Variants in SRGAP2 observed in about 807,000 individuals in gnomAD.
SRGAP2 encodes SLIT-ROBO Rho GTPase-activating protein 2.
A neutral mutation model predicts 57.2 loss-of-function variants in SRGAP2; 15 were observed. The observed-to-expected ratio is 0.26, with a 90% CI of 0.18 to 0.40. The LOEUF (loss-of-function observed/expected upper bound fraction) is 0.40. Among genes scored for constraint, SRGAP2 ranks in the 10% least tolerant of loss-of-function variants. The pLI, the probability that SRGAP2 is intolerant of heterozygous loss-of-function variation, is 1.00. For synonymous variants in SRGAP2, 249 were observed against 248.0 expected (o/e 1.00, Z -0.04); for missense variants, 520 against 669.6 (o/e 0.78, Z 2.47).
chr1:206,207,515 A>G (rs1167478221), intron 2 of SRGAP2: 1 of 151,622 alleles, frequency 6.6e-6, no homozygotes, highest in Non-Finnish European at 1.5e-5. Context: ...GTCACTGTTC[A>G]TAATCCAGGC....
rs797024612 is a variant in SRGAP2 at position 206,210,314 on chromosome 1, C to G, written c.67+4277C>G. 2.6e-4 allele frequency among the ~76,000 whole-genome samples: 36 copies of G among 137,442 alleles called. No individual in the cohort carries two copies. The East Asian group carries it at 6.4e-3, about 24-fold the overall frequency. 90.2% of individuals were successfully genotyped at this position (137,442 alleles called of 152,430 possible). ...GAAAGCTTGAGATTGACAGTTCATGCAAATATTCCAGAAGAAATAGTCTGA... is the reference window on the plus strand; with the variant it reads ...GAAAGCTTGAGATTGACAGTTCATGGAAATATTCCAGAAGAAATAGTCTGA... On this transcript the variant is annotated intron_variant, in intron 2 of 22. Transcript: ENST00000573034.
At chr1:206,415,205 T>C (rs756723521) in intron 10 of SRGAP2, among the ~76,000 whole-genome samples, 1 of 152,174 alleles carries the variant, frequency 6.6e-6, no homozygotes. Flanking sequence ...AGAACAAATC[T>C]GAAAGTGCAG....
chr1:206,383,216 G>T (rs1328121602), intron 4 of SRGAP2, among the ~76,000 whole-genome samples: 40 of 148,932 alleles, frequency 2.7e-4, no homozygotes, highest in Non-Finnish European at 1.3e-4. Flanking sequence ...GTAGAGATGG[G>T]GTTTCACTAT....
chr1:206,427,366 A>G (rs1660890040), intron 13 of SRGAP2, among the ~76,000 whole-genome samples: 1 of 152,150 alleles, frequency 6.6e-6, no homozygotes, highest in South Asian at 2.1e-4. Context: ...GATGCCGACA[A>G]GAGGACAGAC....
At chr1:206,436,162 T>C (rs1661728764) in intron 14 of SRGAP2, among the ~76,000 whole-genome samples, 1 of 152,076 alleles carries the variant, frequency 6.6e-6, no homozygotes. Context: ...TTTCTTCCAA[T>C]GTGGTCCAGG....
intron 3 of SRGAP2, among the ~76,000 whole-genome samples, chr1:206,333,076 T>G (rs1553332405): frequency 7.0e-6 from 1 of 143,544 alleles, no homozygotes; most frequent in Non-Finnish European, 1.5e-5. Context: ...CCGTGTGAGG[T>G]GTCAGTGTGC....
chr1:206,455,512 G>C (rs1335255407), intron 21 of SRGAP2: 1 of 175,988 alleles, frequency 5.7e-6, no homozygotes, highest in Non-Finnish European at 1.2e-5. Flanking sequence ...GGTTTATTGA[G>C]ATATCATGTG....
chr1:206,394,757 T>C (rs1657405584), intron 7 of SRGAP2, among the ~76,000 whole-genome samples: 1 of 151,982 alleles, frequency 6.6e-6, no homozygotes, highest in African/African-American at 2.4e-5. Context: ...GAGTTATTCT[T>C]GGCCTTGTTT....
At chr1:206,213,136 A>C (rs563204619) in intron 2 of SRGAP2, among the ~76,000 whole-genome samples, 17 of 152,154 alleles carry the variant, frequency 1.1e-4, no homozygotes, top group Non-Finnish European at 2.2e-4. Flanking sequence ...GGTTGCAATG[A>C]GCTGAGATCT....
intron 2 of SRGAP2, among the ~76,000 whole-genome samples, chr1:206,253,618 C>A (rs1414264978): frequency 6.9e-6 from 1 of 144,318 alleles, no homozygotes; most frequent in Non-Finnish European, 1.5e-5. Flanking sequence ...CTCCGTCCCC[C>A]AGGCTGGAGT....
Position 206,439,858 on chromosome 1 carries a change from T to C in SRGAP2, c.1769-118T>C, listed in dbSNP as rs1331063470. The C allele has an allele frequency of 6.0e-6, 4 of 665,462 alleles. No individual in the cohort carries two copies. In the African/African-American group the frequency reaches 7.1e-5, roughly 12 times the overall value. 41.2% of individuals were successfully genotyped at this position (665,462 alleles called of 1,614,324 possible). ...CACTCCTGTCACTGCACCAGTGCTG[T>C]GCGTGGGCTTGATCTGATGCTGTCC... On this transcript the variant is annotated intron_variant, in intron 16 of 22. Transcript: ENST00000573034.
chr1:206,364,362 C>T (rs1456865749), intron 4 of SRGAP2, among the ~76,000 whole-genome samples: 2 of 135,850 alleles, frequency 1.5e-5, no homozygotes, highest in African/African-American at 5.7e-5. Context: ...GAGTGCAGTG[C>T]GCGATCTTGA....
At chr1:206,205,081 C>T (rs1318709012) in intron 1 of SRGAP2, 2 of 151,930 alleles carry the variant, frequency 1.3e-5, no homozygotes, top group African/African-American at 4.8e-5. Context: ...GGGGCCACGT[C>T]GGGGGCTAGG....
intron 8 of SRGAP2, among the ~76,000 whole-genome samples, chr1:206,401,916 A>C (rs545254370): frequency 4.7e-4 from 71 of 152,166 alleles, no homozygotes; most frequent in South Asian, 1.5e-3. Context: ...GGTTCAAACT[A>C]TGCATAGAGA....
intron 2 of SRGAP2, among the ~76,000 whole-genome samples, chr1:206,285,965 C>T (rs1260284238): frequency 6.6e-6 from 1 of 152,158 alleles, no homozygotes; most frequent in African/African-American, 2.4e-5. Flanking sequence ...CACACCTGGC[C>T]CATCACACTT....
intron 13 of SRGAP2, among the ~76,000 whole-genome samples, chr1:206,422,574 A>G (rs893080404): frequency 2.0e-5 from 3 of 152,224 alleles, no homozygotes; most frequent in Non-Finnish European, 2.9e-5. Flanking sequence ...ACACTAAGAA[A>G]AGAAATGAGC....
intron 3 of SRGAP2, among the ~76,000 whole-genome samples, chr1:206,325,813 ATTAC>A (rs1673838401): frequency 6.6e-6 from 1 of 152,186 alleles, no homozygotes; most frequent in Non-Finnish European, 1.5e-5. Flanking sequence ...TGTGCATAAA[ATTAC>A]CTGACATGCT....
chr1:206,301,310 C>G (rs1445173389), intron 2 of SRGAP2, among the ~76,000 whole-genome samples: 71 of 152,098 alleles, frequency 4.7e-4, no homozygotes, highest in African/African-American at 3.6e-4. Flanking sequence ...GCTGGGATTA[C>G]AGGCGTGAGC....
chr1:206,410,700 GT>G (rs1553359250), intron 10 of SRGAP2, among the ~76,000 whole-genome samples: 1 of 152,130 alleles, frequency 6.6e-6, no homozygotes, highest in African/African-American at 2.4e-5. Context: ...TTATTTTTAT[GT>G]TAGTCCCAAA....
Sources: allele counts gnomAD v4.1 joint callset (sites outside exome capture counted in the v4.1 genomes callset), GRCh38; gene constraint gnomAD v4.1.1; transcripts MANE v1.5; gene names NCBI Gene and HGNC (gene_info 2026-07-23, HGNC 2026-07-21).